Variants in TRPC4AP observed in about 807,000 individuals in gnomAD.
TRPC4AP encodes transient receptor potential cation channel subfamily C member 4 associated protein.
In TRPC4AP, 45 loss-of-function variants were observed where a neutral mutation model predicts 99.0. The ratio of observed to expected loss-of-function variants is 0.45; its 90% confidence interval spans 0.36 to 0.58. TRPC4AP has a LOEUF of 0.58. Ranked by LOEUF, TRPC4AP falls within the 20% of genes least tolerant of loss-of-function variation. TRPC4AP has a pLI of 0.00. For missense variants in TRPC4AP, 879 were observed against 985.3 expected (o/e 0.89, Z 1.44); for synonymous variants, 408 against 385.8 (o/e 1.06, Z -0.67).
intron 11 of TRPC4AP, 85 bp from the exon 12 acceptor site, chr20:35,010,373 C>T (rs1387863917): frequency 9.0e-7 from 1 of 1,115,398 alleles, no homozygotes. Context: ...AGTCTCCTGC[C>T]CACTTCCTGT....
intron 1 of TRPC4AP, among the ~76,000 whole-genome samples, chr20:35,082,122 A>G (rs1406259199): frequency 6.6e-6 from 1 of 152,246 alleles, no homozygotes; most frequent in Non-Finnish European, 1.5e-5. Context: ...TTCAACATAC[A>G]TAAAGCAAAA....
At chr20:35,089,111 C>T (rs73616621) in intron 1 of TRPC4AP, among the ~76,000 whole-genome samples, 7 of 151,406 alleles carry the variant, frequency 4.6e-5, no homozygotes, top group South Asian at 4.2e-4. Flanking sequence ...TCAAACAATC[C>T]GCTCACCTCA....
At chr20:35,004,654 G>T in intron 16 of TRPC4AP, 84 bp from the exon 17 acceptor site, 1 of 1,166,290 alleles carries the variant, frequency 8.6e-7, no homozygotes, top group South Asian at 1.3e-5. Flanking sequence ...CCCCGCTTGG[G>T]TCCTGACTCT....
rs773485942 is a variant in TRPC4AP at position 35,002,420 on chromosome 20, G to GTTAT, written c.*722_*725dup. On this transcript the variant is annotated 3_prime_UTR_variant, in exon 19 of 19. Transcript: ENST00000252015. ...CCACAGCAGTCATTTTTAAAATAAA[G>GTTAT]TTATTTAATAGTCTCCATTTAATTG... is the stretch of plus-strand genomic sequence containing the variant. 144 of 421,248 alleles carry GTTAT rather than the reference G, an allele frequency of 3.4e-4. No homozygotes were observed. Among genetic ancestry groups the GTTAT allele is most frequent in the Middle Eastern group, 6.1e-4 (1 of 1,628 alleles). 26.1% of individuals were successfully genotyped at this position (421,248 alleles called of 1,614,324 possible).
intron 6 of TRPC4AP, among the ~76,000 whole-genome samples, chr20:35,049,635 A>C (rs1445894397): frequency 6.6e-6 from 1 of 152,208 alleles, no homozygotes; most frequent in Non-Finnish European, 1.5e-5. Flanking sequence ...AGTCAATCTG[A>C]AGTTCTGAGT....
intron 1 of TRPC4AP, among the ~76,000 whole-genome samples, chr20:35,092,244 C>T (rs941498463): frequency 6.6e-6 from 1 of 152,106 alleles, no homozygotes; most frequent in Non-Finnish European, 1.5e-5. Context: ...ATGATGACCC[C>T]CTCCCCCACG....
intron 8 of TRPC4AP, among the ~76,000 whole-genome samples, chr20:35,022,243 C>T (rs1193868045): frequency 1.3e-5 from 2 of 152,210 alleles, no homozygotes; most frequent in South Asian, 2.1e-4. Context: ...GCAACTTCCG[C>T]TTGCTGGTTT....
Position 35,016,133 on chromosome 20 carries a change from T to G in TRPC4AP, c.1225A>C (p.Arg409=), listed in dbSNP as rs1421866914. ...ATCAGCTTGAACTCTGCAATCATTC[T>G]GTGAACCTGAATGGGATAGGAAGGA... ...LMGRQRNQVH[R]MIAEFKLIPG... is the part of the protein sequence containing the mutation. The change falls in exon 10 of 19, where the codon AGA becomes CGA. Residue 409 remains arginine (R), a synonymous_variant. Transcript: ENST00000252015. The G allele has an allele frequency of 6.2e-7, 1 of 1,614,074 alleles. No individual in the cohort carries two copies. Among genetic ancestry groups the G allele is most frequent in the Non-Finnish European group, 8.5e-7 (1 of 1,180,042 alleles).
intron 6 of TRPC4AP, among the ~76,000 whole-genome samples, chr20:35,045,936 T>C (rs1004510712): frequency 1.3e-5 from 2 of 152,228 alleles, no homozygotes; most frequent in African/African-American, 4.8e-5. Flanking sequence ...CCTAAACTGC[T>C]GGGATTACAT....
intron 9 of TRPC4AP, among the ~76,000 whole-genome samples, chr20:35,017,038 C>T (rs1285117983): frequency 6.6e-6 from 1 of 152,090 alleles, no homozygotes; most frequent in African/African-American, 2.4e-5. Context: ...ACCAGCAATT[C>T]CACTTTAGGA....
chr20:35,006,576 CT>C lies in TRPC4AP; in HGVS notation c.1687-2del. 6.2e-7 allele frequency: 1 copy of C among 1,613,318 alleles called. No homozygotes were observed. Among genetic ancestry groups the C allele is most frequent in the Non-Finnish European group, 8.5e-7 (1 of 1,179,432 alleles). Reference sequence around the variant, plus strand: ...TGTCCACAATGCAGTAAAGGATGTGCTGGGTGAGGAGGGACAGGGTGAAGGT... The same window carrying C: ...TGTCCACAATGCAGTAAAGGATGTGCGGGTGAGGAGGGACAGGGTGAAGGT... On this transcript the variant is annotated splice_acceptor_variant, in intron 14 of 18. Coordinates refer to ENST00000252015, the MANE Select transcript of TRPC4AP (RefSeq NM_015638.3). LOFTEE classifies it high-confidence loss of function.
At chr20:35,084,553 T>TG (rs2084759025) in intron 1 of TRPC4AP, among the ~76,000 whole-genome samples, 2 of 139,256 alleles carry the variant, frequency 1.4e-5, no homozygotes, top group African/African-American at 5.2e-5. Flanking sequence ...TGTATATATG[T>TG]TTATATGCAT....
intron 9 of TRPC4AP, among the ~76,000 whole-genome samples, chr20:35,020,810 A>G (rs1377036603): frequency 2.6e-5 from 4 of 152,230 alleles, no homozygotes; most frequent in African/African-American, 9.6e-5. Context: ...AGTTTTCCTA[A>G]GCAGACACAG....
At chr20:35,038,322 G>C (rs559799706) in intron 7 of TRPC4AP, among the ~76,000 whole-genome samples, 1 of 150,326 alleles carries the variant, frequency 6.7e-6, no homozygotes, top group African/African-American at 2.5e-5. Context: ...AAAAAAGTTT[G>C]ATAATGCTCT....
chr20:35,068,403 A>G (rs933304787), intron 3 of TRPC4AP, among the ~76,000 whole-genome samples: 1 of 152,238 alleles, frequency 6.6e-6, no homozygotes, highest in Non-Finnish European at 1.5e-5. Flanking sequence ...ACTCACATGT[A>G]TACAAAAATA....
At chr20:35,015,298 G>A (rs2082724726) in intron 10 of TRPC4AP, among the ~76,000 whole-genome samples, 1 of 151,822 alleles carries the variant, frequency 6.6e-6, no homozygotes, top group Admixed American at 6.6e-5. Flanking sequence ...CCACGCCCGG[G>A]AGCACGGTTC....
At chr20:35,011,472 G>A (rs2082634021) in intron 11 of TRPC4AP, among the ~76,000 whole-genome samples, 1 of 152,140 alleles carries the variant, frequency 6.6e-6, no homozygotes, top group Non-Finnish European at 1.5e-5. Flanking sequence ...ATTCTGAGCT[G>A]CAGCTGCAGC....
At chr20:35,050,392 AT>A (rs11478871) in intron 5 of TRPC4AP, among the ~76,000 whole-genome samples, 117,112 of 151,984 alleles carry the variant, frequency 0.77, 45,466 homozygotes, top group Middle Eastern at 0.83. Context: ...TTGGAACTCC[AT>A]TTTTTTCATC....
intron 17 of TRPC4AP, 99 bp from the exon 18 acceptor site, chr20:35,003,715 G>C: frequency 7.6e-7 from 1 of 1,311,366 alleles, no homozygotes. Flanking sequence ...AGTGGCCCCA[G>C]GCCTCGGGCC....
Sources: gnomAD v4.1 joint callset for allele counts (sites outside exome capture counted in the v4.1 genomes callset) on GRCh38, gnomAD v4.1.1 for gene constraint, MANE v1.5 for transcripts, NCBI Gene and HGNC (gene_info 2026-07-23, HGNC 2026-07-21) for gene names.